Variants in TAS1R2 observed in about 807,000 individuals in gnomAD.
TAS1R2 encodes taste 1 receptor member 2.
In TAS1R2, 47 loss-of-function variants were observed where a neutral mutation model predicts 49.3. The ratio of observed to expected loss-of-function variants is 0.95; its 90% CI spans 0.75 to 1.22. TAS1R2 has a LOEUF of 1.22. Ranked by LOEUF, TAS1R2 falls within the 50% of genes most tolerant of loss-of-function variation. The probability of loss-of-function intolerance (pLI) is 0.00; values close to 1 mark genes in which losing one functional copy is unlikely to be tolerated. For missense variants in TAS1R2, 1,155 were observed against 1,122.1 expected (o/e 1.03, Z -0.42); for synonymous variants, 479 against 467.9 (o/e 1.02, Z -0.31).
chr1:18,848,049 G>A (rs533900943), intron 4 of TAS1R2, among the ~76,000 whole-genome samples: 3 of 152,280 alleles, frequency 2.0e-5, no homozygotes, highest in African/African-American at 7.2e-5. Flanking sequence ...ATCTCACACT[G>A]GATCCCTCTC....
At chr1:18,857,197 G>T in intron 2 of TAS1R2, 134 bp downstream of exon 2, 1 of 1,013,810 alleles carries the variant, frequency 9.9e-7, no homozygotes, top group Non-Finnish European at 1.4e-6. Context: ...CAAGATTTGG[G>T]CTGATGTCCT....
exon 6 of TAS1R2, chr1:18,840,382 G>T: frequency 6.2e-7 from 1 of 1,614,150 alleles, no homozygotes; most frequent in South Asian, 1.1e-5. Context: ...TGGCCAGGGT[G>T]CTGAGGAAGC....
chr1:18,854,478 G>A lies in TAS1R2; in HGVS notation c.992C>T (p.Pro331Leu). Reference sequence around the variant, plus strand: ...GCGGAACTCACTGAAGCCCGGGATGGGCACGCTCTGGATGGTGATGCCCAG... The same window carrying A: ...GCGGAACTCACTGAAGCCCGGGATGAGCACGCTCTGGATGGTGATGCCCAG... The change falls in exon 3 of 6, where the codon CCC (proline) becomes CTC (leucine). Residue 331 changes from proline to leucine, a missense_variant. Transcript: ENST00000375371. The surrounding 1 kb of genome is among the most constrained non-coding windows in gnomAD (Gnocchi z 4.9). The A allele has an allele frequency of 6.2e-7, 1 of 1,614,150 alleles. No homozygotes were observed. Among genetic ancestry groups the A allele is most frequent in the Non-Finnish European group, 8.5e-7 (1 of 1,180,030 alleles).
chr1:18,858,879 G>A lies in TAS1R2; in HGVS notation c.182+600C>T, dbSNP rs114618562. Reference sequence around the variant, plus strand: ...TGTTCTTCCTTTCTCCTTGTCTCCCGCAATACCTTCACCCTCTCTGCAAGA... The same window carrying A: ...TGTTCTTCCTTTCTCCTTGTCTCCCACAATACCTTCACCCTCTCTGCAAGA... On this transcript the variant is annotated intron_variant, in intron 1 of 5. Coordinates refer to ENST00000375371, the Ensembl canonical transcript of TAS1R2. Among the ~76,000 whole-genome samples the A allele has an allele frequency of 4.6e-3, 693 of 152,132 alleles. 1 individual carries two copies. Among genetic ancestry groups the A allele is most frequent in the African/African-American group, 0.016 (661 of 41,484 alleles).
chr1:18,840,168 G>C (rs767056870), exon 6 of TAS1R2: 13 of 1,614,240 alleles, frequency 8.1e-6, no homozygotes, highest in Non-Finnish European at 1.1e-5. Context: ...TGGAAAGAAC[G>C]CACGGCGATA....
At chr1:18,857,295 C>A in intron 2 of TAS1R2, 36 bp downstream of exon 2, 1 of 1,595,244 alleles carries the variant, frequency 6.3e-7, no homozygotes, top group East Asian at 2.2e-5. Flanking sequence ...CTCTGCCCCC[C>A]TCCCCAGGTC....
chr1:18,840,528 C>T lies in TAS1R2; in HGVS notation c.1592-1G>A. 1 of 1,614,204 alleles carries T rather than the reference C, an allele frequency of 6.2e-7. No individual in the cohort carries two copies. Among genetic ancestry groups the T allele is most frequent in the Non-Finnish European group, 8.5e-7 (1 of 1,180,044 alleles). On this transcript the variant is annotated splice_acceptor_variant, in intron 5 of 5. Coordinates refer to ENST00000375371, the Ensembl canonical transcript of TAS1R2. LOFTEE classifies it high-confidence loss of function. ...GGGCAGGCCTGGCATTCATATTCAT[C>T]TGCAAAAGCCACAGCGACTCCCATT... is the stretch of plus-strand genomic sequence containing the variant.
At chr1:18,841,620 TG>T (rs1933824983) in intron 5 of TAS1R2, 108 bp downstream of exon 5, 1 of 1,454,586 alleles carries the variant, frequency 6.9e-7, no homozygotes, top group Non-Finnish European at 9.2e-7. Context: ...TCACACCCCC[TG>T]TGGGGTACTC....
rs373362774 is a variant in TAS1R2, at chr1:18,857,322, G to A, written c.483+9C>T. 1.9e-6 allele frequency: 3 copies of A among 1,610,414 alleles called. No homozygotes were observed. The highest frequency in any genetic ancestry group is 2.7e-5 in the African/African-American group (2 of 74,878). ...CCCCAGGTCCTTCTCCAGGGCCCAG[G>A]GGCCTCACCTGTGGAAGGAGAAATA... On this transcript the variant is annotated intron_variant, in intron 2 of 5. Transcript: ENST00000375371.
intron 2 of TAS1R2, among the ~76,000 whole-genome samples, chr1:18,855,387 CCT>C (rs1163545909): frequency 6.6e-6 from 1 of 152,176 alleles, no homozygotes; most frequent in Non-Finnish European, 1.5e-5. Flanking sequence ...TCCTCCTCCC[CCT>C]CATCACCGTC....
At chr1:18,853,773 T>C (rs534905140) in intron 3 of TAS1R2, among the ~76,000 whole-genome samples, 1 of 152,320 alleles carries the variant, frequency 6.6e-6, no homozygotes, top group East Asian at 1.9e-4. Context: ...GGGAGGTCTC[T>C]GTGTGTGCCT....
chr1:18,844,153 G>T (rs1015880309), intron 4 of TAS1R2, among the ~76,000 whole-genome samples: 1 of 152,206 alleles, frequency 6.6e-6, no homozygotes, highest in African/African-American at 2.4e-5. Flanking sequence ...AATTCTGAAG[G>T]ACAGTAATGA....
At chr1:18,857,688 A>C in intron 1 of TAS1R2, 57 bp from the exon 2 acceptor site, 1 of 1,557,304 alleles carries the variant, frequency 6.4e-7, no homozygotes, top group Non-Finnish European at 8.7e-7. Context: ...GAAGGAAGAG[A>C]TAAGAGAACC....
chr1:18,857,740 A>C (rs974875392), intron 1 of TAS1R2, 109 bp from the exon 2 acceptor site: 4 of 1,304,502 alleles, frequency 3.1e-6, no homozygotes, highest in Non-Finnish European at 4.2e-6. Flanking sequence ...CAAGGCATTG[A>C]CTGAGAAGAG....
chr1:18,856,394 C>G (rs1452574184), intron 2 of TAS1R2, among the ~76,000 whole-genome samples: 3 of 152,200 alleles, frequency 2.0e-5, no homozygotes. Context: ...CTTCTACCAA[C>G]TCCTCCTTTC....
At position 18,854,429 on chromosome 1, in the gene TAS1R2, C is replaced by T. The variant is rs377629361; in HGVS notation, c.1041G>A (p.Pro347=). 1.9e-5 allele frequency: 31 copies of T among 1,613,940 alleles called. No individual in the cohort carries two copies. Among genetic ancestry groups the T allele is most frequent in the South Asian group, 7.7e-5 (7 of 91,044 alleles). Reference sequence around the variant, plus strand: ...TCTGGCTGGTCCTGCTGAGGGGTGGCGGCCCAGCCTGTGGGCCCCACTCGC... The same window carrying T: ...TCTGGCTGGTCCTGCTGAGGGGTGGTGGCCCAGCCTGTGGGCCCCACTCGC... The change falls in exon 3 of 6, where the codon CCG becomes CCA. Residue 347 remains proline, a synonymous_variant. Transcript: ENST00000375371. The surrounding 1 kb of genome is among the most constrained non-coding windows in gnomAD (Gnocchi z 4.9).
intron 5 of TAS1R2, 99 bp downstream of exon 5, chr1:18,841,630 T>A: frequency 6.7e-7 from 1 of 1,487,722 alleles, no homozygotes; most frequent in African/African-American, 1.4e-5. Context: ...TGTGGGGTAC[T>A]CCAGAGACCC....
chr1:18,848,955 G>A (rs1258255355), intron 4 of TAS1R2, among the ~76,000 whole-genome samples: 1 of 152,164 alleles, frequency 6.6e-6, no homozygotes, highest in East Asian at 1.9e-4. Flanking sequence ...GAATCATCCG[G>A]AAACTATCCT....
intron 3 of TAS1R2, among the ~76,000 whole-genome samples, chr1:18,852,073 A>G (rs1934038999): frequency 6.6e-6 from 1 of 152,238 alleles, no homozygotes; most frequent in African/African-American, 2.4e-5. Context: ...GACCAGTGCT[A>G]GCAACTTGGG....
Sources: allele counts gnomAD v4.1 joint callset (sites outside exome capture counted in the v4.1 genomes callset), GRCh38; gene constraint gnomAD v4.1.1; non-coding constraint Gnocchi (gnomAD v3.1); transcripts MANE v1.5; gene names NCBI Gene and HGNC (gene_info 2026-07-23, HGNC 2026-07-21).